The following SORBS2 variants were observed in gnomAD, a reference collection of about 807,000 sequenced individuals.
SORBS2 encodes sorbin and SH3 domain containing 2.
Under a neutral mutation model 97.7 loss-of-function variants are expected in SORBS2, and 46 were observed. The ratio of observed to expected loss-of-function variants is 0.47; its 90% CI spans 0.37 to 0.60. The LOEUF (loss-of-function observed/expected upper bound fraction) is 0.60. Ranked by LOEUF, SORBS2 falls within the 20% of genes least tolerant of loss-of-function variation. The pLI is 0.00. For missense variants in SORBS2, 1,316 were observed against 1,282.3 expected (o/e 1.03, Z -0.40); for synonymous variants, 476 against 473.4 (o/e 1.01, Z -0.07).
At chr4:185,767,515 A>G (rs1295789323) in intron 2 of SORBS2, among the ~76,000 whole-genome samples, 17 of 148,940 alleles carry the variant, frequency 1.1e-4, no homozygotes, top group South Asian at 8.6e-4. Flanking sequence ...AAAAAAAAAA[A>G]AAAAGAGAAA....
At chr4:185,900,066 A>G (rs1463335834) in intron 1 of SORBS2, among the ~76,000 whole-genome samples, 3 of 152,316 alleles carry the variant, frequency 2.0e-5, no homozygotes, top group Middle Eastern at 3.4e-3. Context: ...GTCGTGTGCT[A>G]TGATCACACC....
At chr4:185,727,536 A>G (rs919957210) in intron 2 of SORBS2, among the ~76,000 whole-genome samples, 1 of 152,232 alleles carries the variant, frequency 6.6e-6, no homozygotes, top group Non-Finnish European at 1.5e-5. Context: ...AGATTACTAA[A>G]TTAAGCTTTT....
rs892540955 is a variant in SORBS2, at chr4:185,939,400, AC to A, written c.-338+16795del. 5.3e-5 allele frequency among the ~76,000 whole-genome samples: 8 copies of A among 152,100 alleles called. No individual in the cohort carries two copies. In the East Asian group the frequency reaches 1.4e-3, roughly 26 times the overall value. On this transcript the variant is annotated intron_variant, in intron 1 of 20. Coordinates refer to the SORBS2 transcript ENST00000284776. ...AATATGCTGTAATACTTCCACCTTA[AC>A]CAAAAAACAGTGTGTTCTTTGGCCC...
chr4:185,731,138 A>G (rs3796644), intron 2 of SORBS2, among the ~76,000 whole-genome samples: 53,005 of 152,004 alleles, frequency 0.35, 9,697 homozygotes, highest in Admixed American at 0.44. Flanking sequence ...TCTTTCATCA[A>G]TGATACAAAG....
chr4:185,703,886 A>C (rs1005755004), intron 2 of SORBS2, among the ~76,000 whole-genome samples: 13 of 152,224 alleles, frequency 8.5e-5, no homozygotes, highest in Non-Finnish European at 1.3e-4. Flanking sequence ...AGTGAGTTAT[A>C]AAGTGCTTGT....
chr4:185,885,970 G>A (rs572210867), intron 1 of SORBS2, among the ~76,000 whole-genome samples: 2 of 152,170 alleles, frequency 1.3e-5, no homozygotes, highest in African/African-American at 4.8e-5. Flanking sequence ...TAAAAGTTCC[G>A]AGAAAATCCA....
At chr4:185,611,187 T>C (rs1424663678) in intron 12 of SORBS2, among the ~76,000 whole-genome samples, 1 of 152,110 alleles carries the variant, frequency 6.6e-6, no homozygotes, top group East Asian at 1.9e-4. Flanking sequence ...ATAAACATCT[T>C]GACTTATAGA....
intron 1 of SORBS2, among the ~76,000 whole-genome samples, chr4:185,869,837 TG>T (rs1428983184): frequency 2.0e-5 from 3 of 152,336 alleles, no homozygotes; most frequent in Admixed American, 6.5e-5. Context: ...ATTCCCCAGC[TG>T]CAAAAGGAAA....
chr4:185,913,466 G>A (rs900604057), intron 1 of SORBS2, among the ~76,000 whole-genome samples: 4 of 152,188 alleles, frequency 2.6e-5, no homozygotes, highest in Non-Finnish European at 4.4e-5. Flanking sequence ...ATTCTTTCGA[G>A]ACGAGTCTAA....
At chr4:185,883,299 A>C (rs1195987252) in intron 1 of SORBS2, among the ~76,000 whole-genome samples, 1 of 152,222 alleles carries the variant, frequency 6.6e-6, no homozygotes. Flanking sequence ...AGCACAGAAA[A>C]AAGATGCTTA....
chr4:185,679,402 T>C (rs1208311973), intron 2 of SORBS2, among the ~76,000 whole-genome samples: 5 of 152,234 alleles, frequency 3.3e-5, no homozygotes, highest in Non-Finnish European at 7.3e-5. Flanking sequence ...TGTTACAACA[T>C]GTTCCACTGT....
At chr4:185,664,337 C>T (rs755227364) in intron 4 of SORBS2, among the ~76,000 whole-genome samples, 8 of 152,242 alleles carry the variant, frequency 5.3e-5, no homozygotes, top group Non-Finnish European at 1.2e-4. Flanking sequence ...TAGCTCTGCT[C>T]GTGCCCACAA....
At chr4:185,857,030 T>C (rs1203498291) in intron 1 of SORBS2, among the ~76,000 whole-genome samples, 1 of 152,064 alleles carries the variant, frequency 6.6e-6, no homozygotes, top group Non-Finnish European at 1.5e-5. Flanking sequence ...TAATTCAAGA[T>C]GAGATTTGGG....
rs1580811330 is a variant in SORBS2 at position 185,606,849 on chromosome 4, G to A, written c.2796+4931C>T. On this transcript the variant is annotated intron_variant, in intron 12 of 14. Coordinates refer to ENST00000418609, the Ensembl canonical transcript of SORBS2. This position sits in a 1 kb window ranked among gnomAD's most constrained non-coding sequence, Gnocchi z 4.3. Reference sequence around the variant, plus strand: ...CAATGACCGGAAGGGGTACAGGCAAGGAACCCACGCTGGTGCACGCAGAGG... The same window carrying A: ...CAATGACCGGAAGGGGTACAGGCAAAGAACCCACGCTGGTGCACGCAGAGG... The A allele has an allele frequency of 3.0e-6, 3 of 985,384 alleles. No homozygotes were observed. Among genetic ancestry groups the A allele is most frequent in the Non-Finnish European group, 3.6e-6 (3 of 829,918 alleles). The allele number at this position is 985,384 out of a possible 1,614,324, so 61.0% of individuals were successfully genotyped here.
At chr4:185,932,023 GAT>G (rs543296709) in intron 1 of SORBS2, among the ~76,000 whole-genome samples, 90 of 150,612 alleles carry the variant, frequency 6.0e-4, no homozygotes, top group Admixed American at 4.3e-3. Context: ...TATATAGATA[GAT>G]ATAGATATAG....
At chr4:185,705,252 C>T (rs2098326661) in intron 2 of SORBS2, among the ~76,000 whole-genome samples, 1 of 152,180 alleles carries the variant, frequency 6.6e-6, no homozygotes, top group Non-Finnish European at 1.5e-5. Flanking sequence ...CCAATCCTCT[C>T]TTTGTTTTAT....
intron 1 of SORBS2, among the ~76,000 whole-genome samples, chr4:185,866,760 A>AC (rs1218330601): frequency 6.6e-6 from 1 of 152,156 alleles, no homozygotes; most frequent in African/African-American, 2.4e-5. Context: ...GATTACTGCC[A>AC]CCTTGCAATT....
At chr4:185,745,991 T>A (rs1044135899) in intron 2 of SORBS2, among the ~76,000 whole-genome samples, 1 of 152,210 alleles carries the variant, frequency 6.6e-6, no homozygotes. Context: ...CCTCCCACTC[T>A]GTGAACTACA....
At chr4:185,791,150 T>C (rs1027895245) in intron 1 of SORBS2, among the ~76,000 whole-genome samples, 1 of 152,214 alleles carries the variant, frequency 6.6e-6, no homozygotes, top group Non-Finnish European at 1.5e-5. Flanking sequence ...CTACATCTGT[T>C]TAAATTAGAA....
Sources: gnomAD v4.1 joint callset for allele counts (sites outside exome capture counted in the v4.1 genomes callset) on GRCh38, gnomAD v4.1.1 for gene constraint, Gnocchi (gnomAD v3.1) non-coding constraint, MANE v1.5 for transcripts, NCBI Gene and HGNC (gene_info 2026-07-23, HGNC 2026-07-21) for gene names.